The following NXPE2 variants were observed in gnomAD, a reference collection of about 807,000 sequenced individuals.
The protein encoded by NXPE2 is NXPE family member 2.
Under a neutral mutation model 34.4 loss-of-function variants are expected in NXPE2, and 34 were observed. The ratio of observed to expected loss-of-function variants is 0.99; its 90% CI spans 0.75 to 1.31. The LOEUF (loss-of-function observed/expected upper bound fraction) is 1.31, where lower values mean the gene tolerates loss of function less well. NXPE2 is among the 40% of genes most tolerant of loss of function. NXPE2 has a pLI of 0.00. For missense variants in NXPE2, 649 were observed against 672.5 expected (o/e 0.97, Z 0.39); for synonymous variants, 235 against 231.3 (o/e 1.02, Z -0.15).
the NXPE2 span, among the ~76,000 whole-genome samples, chr11:114,599,672 T>C: frequency 2.6e-5 from 4 of 152,250 alleles, no homozygotes; most frequent in African/African-American, 9.6e-5. Context: ...TGGGAGCAGG[T>C]GTCTTACATG....
At chr11:114,810,500 AAAC>A in the NXPE2 span, among the ~76,000 whole-genome samples, 1 of 151,292 alleles carries the variant, frequency 6.6e-6, no homozygotes, top group Non-Finnish European at 1.5e-5. Flanking sequence ...TACAAGAAAA[AAAC>A]AACCCCATCA....
chr11:114,696,044 A>G (rs1271861691), intron 2 of NXPE2, among the ~76,000 whole-genome samples: 1 of 151,806 alleles, frequency 6.6e-6, no homozygotes, highest in Admixed American at 6.6e-5. Flanking sequence ...AAGAAGAAGA[A>G]GAAGAAATCA....
chr11:114,594,593 CT>C, the NXPE2 span: 1 of 975,580 alleles, frequency 1.0e-6, no homozygotes. Context: ...GTAGTTTAGC[CT>C]TTCCTAGAAC....
chr11:114,643,201 T>A, the NXPE2 span, among the ~76,000 whole-genome samples: 1 of 152,154 alleles, frequency 6.6e-6, no homozygotes, highest in South Asian at 2.1e-4. Flanking sequence ...TCCCATTCTG[T>A]AGGTTTCCTG....
At chr11:114,480,479 T>A in the NXPE2 span, among the ~76,000 whole-genome samples, 3 of 152,186 alleles carry the variant, frequency 2.0e-5, no homozygotes, top group Non-Finnish European at 4.4e-5. Context: ...CCTTTCCTGC[T>A]GCATGTGAGA....
At chr11:114,633,720 T>A in the NXPE2 span, among the ~76,000 whole-genome samples, 3 of 151,448 alleles carry the variant, frequency 2.0e-5, no homozygotes, top group Non-Finnish European at 2.9e-5. Flanking sequence ...TGGCGTTTGG[T>A]TTTTTGTCCT....
the NXPE2 span, among the ~76,000 whole-genome samples, chr11:114,662,009 C>T: frequency 1.3e-5 from 2 of 152,258 alleles, no homozygotes; most frequent in African/African-American, 2.4e-5. Flanking sequence ...CCACCAATCA[C>T]CACCCTCTCC....
the NXPE2 span, among the ~76,000 whole-genome samples, chr11:114,763,501 C>A: frequency 6.6e-6 from 1 of 152,136 alleles, no homozygotes; most frequent in Non-Finnish European, 1.5e-5. Flanking sequence ...TAGCACATGA[C>A]CTCACATTAT....
intron 2 of NXPE2, among the ~76,000 whole-genome samples, chr11:114,693,995 A>T (rs987150439): frequency 1.3e-5 from 2 of 152,054 alleles, no homozygotes; most frequent in South Asian, 4.2e-4. Context: ...CCTTCTGAAA[A>T]CTCTAGAGGA....
chr11:114,761,475 G>T, the NXPE2 span, among the ~76,000 whole-genome samples: 2 of 151,360 alleles, frequency 1.3e-5, no homozygotes, highest in Admixed American at 6.6e-5. Flanking sequence ...GGAAGCCTGT[G>T]TAAGTTAGAG....
chr11:114,726,053 T>G, the NXPE2 span, among the ~76,000 whole-genome samples: 3 of 148,630 alleles, frequency 2.0e-5, no homozygotes, highest in South Asian at 4.2e-4. Context: ...GCAGTGTGAA[T>G]GCACTGACAA....
At chr11:114,583,324 T>C in the NXPE2 span, 1 of 623,830 alleles carries the variant, frequency 1.6e-6, no homozygotes, top group East Asian at 3.5e-5. Flanking sequence ...ATTACTATTA[T>C]GGACAAGCCC....
chr11:114,695,045 C>G (rs1454592550), intron 2 of NXPE2, among the ~76,000 whole-genome samples: 1 of 151,970 alleles, frequency 6.6e-6, no homozygotes, highest in African/African-American at 2.4e-5. Flanking sequence ...TAAACTGGAA[C>G]TGAGATAGGC....
At chr11:114,725,992 T>TATATATATAA in the NXPE2 span, among the ~76,000 whole-genome samples, 2 of 140,032 alleles carry the variant, frequency 1.4e-5, no homozygotes, top group African/African-American at 2.5e-5. Flanking sequence ...TATATATATA[T>TATATATATAA]AAAAAGAAAA....
At chr11:114,626,863 G>C in the NXPE2 span, among the ~76,000 whole-genome samples, 1 of 152,076 alleles carries the variant, frequency 6.6e-6, no homozygotes, top group Non-Finnish European at 1.5e-5. Flanking sequence ...CGAGAACTAC[G>C]TGAAGAATGC....
chr11:114,784,876 C>A, the NXPE2 span, among the ~76,000 whole-genome samples: 3 of 152,058 alleles, frequency 2.0e-5, no homozygotes, highest in African/African-American at 7.2e-5. Flanking sequence ...TTTCGTGCAA[C>A]AGAGTAGAGG....
the NXPE2 span, among the ~76,000 whole-genome samples, chr11:114,796,062 A>C: frequency 6.6e-6 from 1 of 152,174 alleles, no homozygotes; most frequent in Admixed American, 6.5e-5. Flanking sequence ...GATTTAAAAG[A>C]TACACCATCT....
chr11:114,716,361 G>A, the NXPE2 span, among the ~76,000 whole-genome samples: 1 of 152,118 alleles, frequency 6.6e-6, no homozygotes, highest in African/African-American at 2.4e-5. Flanking sequence ...GATGCTCCAT[G>A]GAGATCACTC....
the NXPE2 span, among the ~76,000 whole-genome samples, chr11:114,636,274 A>G: frequency 6.6e-6 from 1 of 151,944 alleles, no homozygotes; most frequent in East Asian, 1.9e-4. Flanking sequence ...GTATTCTCTG[A>G]TGGTAGTTTG....
Sources: allele counts gnomAD v4.1 joint callset (sites outside exome capture counted in the v4.1 genomes callset), GRCh38; gene constraint gnomAD v4.1.1; transcripts MANE v1.5; gene names NCBI Gene and HGNC (gene_info 2026-07-23, HGNC 2026-07-21).